SRPRB: variants seen among roughly 807,000 people sequenced by gnomAD.
SRPRB encodes the protein SRP receptor subunit beta.
SRPRB carries 20 observed loss-of-function variants against 31.9 expected under a neutral mutation model. The ratio of observed to expected loss-of-function variants is 0.63; its 90% CI spans 0.44 to 0.91. The LOEUF (loss-of-function observed/expected upper bound fraction) is 0.91, where lower values mean the gene tolerates loss of function less well. Ranked by LOEUF, SRPRB falls within the 40% of genes least tolerant of loss-of-function variation. The probability of loss-of-function intolerance (pLI) is 0.00; values close to 1 mark genes in which losing one functional copy is unlikely to be tolerated. For missense variants in SRPRB, 321 were observed against 324.9 expected (o/e 0.99, Z 0.09); for synonymous variants, 146 against 132.8 (o/e 1.10, Z -0.68).
At chr3:133,792,857 G>T (rs1294066018) in intron 1 of SRPRB, 1 of 151,882 alleles carries the variant, frequency 6.6e-6, no homozygotes, top group African/African-American at 2.4e-5. Flanking sequence ...AATTTAAAGG[G>T]GTATTTTCTG....
chr3:133,808,021 G>A (rs1935194279), intron 3 of SRPRB, among the ~76,000 whole-genome samples, 198 bp downstream of exon 3: 1 of 152,142 alleles, frequency 6.6e-6, no homozygotes. Flanking sequence ...CTGCATTGTT[G>A]TACCTTAATG....
chr3:133,790,990 C>T (rs1050663452), intron 1 of SRPRB: 2 of 152,186 alleles, frequency 1.3e-5, no homozygotes, highest in Non-Finnish European at 2.9e-5. Flanking sequence ...TTCTAATTTT[C>T]ATTTGTTTGC....
In SRPRB at chr3:133,806,693, T is replaced by C. The variant is rs751810350; in HGVS notation, c.239T>C (p.Leu80Pro). Residue 80 changes from leucine to proline, a missense_variant, in exon 2 of 7, where the codon CTC (leucine) becomes CCC (proline). Leu to Pro is a moderately conservative substitution (Grantham distance 98, BLOSUM62 -3). Transcript: ENST00000678299. The part of the protein sequence containing the change: ...VGLCDSGKTL[L>P]FVRLLTGLYR... ...CTTTGTGATTCCGGGAAAACGTTGC[T>C]CTTTGTCAGGGTAAATGATTTCATT... is the stretch of plus-strand genomic sequence containing the variant. 4 of 1,614,014 alleles carry C rather than the reference T, an allele frequency of 2.5e-6. No homozygotes were observed. In the Admixed American group the frequency reaches 6.7e-5, roughly 27 times the overall value.
chr3:133,823,525 C>T (rs140700909), downstream of SRPRB, among the ~76,000 whole-genome samples: 1,184 of 152,288 alleles, frequency 7.8e-3, 10 homozygotes, highest in Admixed American at 0.018. Context: ...CTTGAGGTGG[C>T]AGCAGATTGG....
At chr3:133,813,179 C>T (rs1192628603) in intron 4 of SRPRB, among the ~76,000 whole-genome samples, 1 of 152,150 alleles carries the variant, frequency 6.6e-6, no homozygotes, top group East Asian at 1.9e-4. Flanking sequence ...GACCTTCTAT[C>T]CAGGGATAGA....
At chr3:133,819,354 C>CT (rs1382965031) in intron 6 of SRPRB, among the ~76,000 whole-genome samples, 199 bp from the exon 7 acceptor site, 1 of 151,524 alleles carries the variant, frequency 6.6e-6, no homozygotes, top group Non-Finnish European at 1.5e-5. Flanking sequence ...GGTCTGACCC[C>CT]CCCAGCCCGC....
intron 3 of SRPRB, chr3:133,810,196 G>A (rs1935234064): frequency 6.6e-6 from 1 of 152,066 alleles, no homozygotes. Flanking sequence ...AAACATATTT[G>A]TCTATAAAGA....
chr3:133,820,968 T>G lies in SRPRB; in HGVS notation c.*1202T>G, dbSNP rs1176789566. On this transcript the variant is annotated 3_prime_UTR_variant, in exon 7 of 7. Coordinates refer to ENST00000678299, the MANE Select transcript of SRPRB (RefSeq NM_001379313.1). Reference sequence around the variant, plus strand: ...CTCTGTCCAGGGGAGAAGCCAGTTATGGAACAGTGCATTGAGAGCCATGGT... The same window carrying G: ...CTCTGTCCAGGGGAGAAGCCAGTTAGGGAACAGTGCATTGAGAGCCATGGT... The G allele has an allele frequency of 1.3e-5, 2 of 152,330 alleles. No individual in the cohort carries two copies. The highest frequency in any genetic ancestry group is 1.3e-4 in the Admixed American group (2 of 15,286). The allele number at this position is 152,330 out of a possible 1,614,324, so 9.4% of individuals were successfully genotyped here.
downstream of SRPRB, chr3:133,825,026 C>T (rs138782778): frequency 6.6e-6 from 1 of 152,286 alleles, no homozygotes; most frequent in Non-Finnish European, 1.5e-5. Flanking sequence ...AACAAGGTGA[C>T]AATGCCTCAC....
At chr3:133,825,396 A>G (rs1935544382), downstream of SRPRB, 1 of 152,264 alleles carries the variant, frequency 6.6e-6, no homozygotes, top group Non-Finnish European at 1.5e-5. Context: ...TGCCAGAGAT[A>G]CTGAAACTGG....
intron 1 of SRPRB, chr3:133,790,486 G>A (rs1278415901): frequency 6.6e-6 from 1 of 152,174 alleles, no homozygotes; most frequent in Non-Finnish European, 1.5e-5. Context: ...AAACAATGTA[G>A]TAAGGAACCA....
intron 1 of SRPRB, chr3:133,786,222 T>TAAAAAAAAAAAAAAAAAAAAAAAAA (rs1553742153): frequency 2.4e-5 from 2 of 84,352 alleles, no homozygotes; most frequent in African/African-American, 7.9e-5. Context: ...AAAAATAAAT[T>TAAAAAAAAAAAAAAAAAAAAAAAAA]AAAAAAAAAA....
chr3:133,803,421 T>C (rs1271305173), upstream of SRPRB, among the ~76,000 whole-genome samples: 2 of 152,254 alleles, frequency 1.3e-5, no homozygotes, highest in Non-Finnish European at 2.9e-5. Flanking sequence ...ATTACTGCTC[T>C]AATCAATTTT....
chr3:133,823,889 C>G (rs146534496), downstream of SRPRB, among the ~76,000 whole-genome samples: 144 of 152,288 alleles, frequency 9.5e-4, no homozygotes, highest in Non-Finnish European at 1.1e-3. Context: ...CCCTCTCCCC[C>G]CTTCCTAATC....
intron 4 of SRPRB, among the ~76,000 whole-genome samples, chr3:133,814,627 T>C (rs1326309749): frequency 6.6e-6 from 1 of 151,438 alleles, no homozygotes; most frequent in East Asian, 2.0e-4. Context: ...TTAGTAGAGA[T>C]TGGGTTTCAT....
chr3:133,798,953 T>C (rs773242310), intron 1 of SRPRB, among the ~76,000 whole-genome samples: 2 of 152,028 alleles, frequency 1.3e-5, no homozygotes, highest in Non-Finnish European at 2.9e-5. Context: ...AGTTACTAGA[T>C]AACACACATA....
chr3:133,827,759 C>G (rs991688175), downstream of SRPRB: 76 of 97,758 alleles, frequency 7.8e-4, 6 homozygotes, highest in South Asian at 9.4e-3. Flanking sequence ...CCCCCCCCCC[C>G]CCGCCTCCCC....
chr3:133,789,872 C>A (rs1334381126), intron 1 of SRPRB: 1 of 97,556 alleles, frequency 1.0e-5, no homozygotes, highest in Non-Finnish European at 1.9e-5. Flanking sequence ...AAAACGATCT[C>A]GTTTGCGTTT....
intron 1 of SRPRB, chr3:133,788,729 C>T (rs1209410200): frequency 6.6e-6 from 1 of 152,206 alleles, no homozygotes; most frequent in Non-Finnish European, 1.5e-5. Context: ...TGGGGCCATC[C>T]TGAAGGACTT....
Sources: allele counts gnomAD v4.1 joint callset (sites outside exome capture counted in the v4.1 genomes callset), GRCh38; gene constraint gnomAD v4.1.1; transcripts MANE v1.5; gene names NCBI Gene and HGNC (gene_info 2026-07-23, HGNC 2026-07-21).